The following DUS1L variants were observed in gnomAD, a reference collection of about 807,000 sequenced individuals.
DUS1L encodes tRNA-dihydrouridine(16/17) synthase [NAD(P)(+)]-like.
Under a neutral mutation model 61.2 loss-of-function variants are expected in DUS1L, and 56 were observed. The ratio of observed to expected loss-of-function variants is 0.92; its 90% CI spans 0.74 to 1.14. The LOEUF (loss-of-function observed/expected upper bound fraction) is 1.14. Among genes scored for constraint, DUS1L ranks in the 50% most tolerant of loss-of-function variants. DUS1L has a pLI of 0.00. For synonymous variants in DUS1L, 278 were observed against 259.5 expected (o/e 1.07, Z -0.69); for missense variants, 630 against 632.4 (o/e 1.00, Z 0.04).
intron 5 of DUS1L, among the ~76,000 whole-genome samples, chr17:82,062,442 C>T (rs557922843): frequency 6.6e-6 from 1 of 152,222 alleles, no homozygotes; most frequent in African/African-American, 2.4e-5. Flanking sequence ...GGGGCACCCC[C>T]GGAGACAGCA....
chr17:82,058,456 C>T (rs1028076865), intron 12 of DUS1L, 40 bp from the exon 13 acceptor site: 11 of 1,479,814 alleles, frequency 7.4e-6, no homozygotes, highest in Middle Eastern at 2.1e-4. Context: ...GCCAGCACCA[C>T]TCCCGGGGCC....
rs1170751947 is a variant in DUS1L at position 82,065,007 on chromosome 17, C to T, written c.53G>A (p.Arg18His). ...EFWSRTLRGA[R>H]HVVAPMVDQS... ...GTCCACCATGGGGGCCACGACGTGG[C>T]GGGCCCCTCGCAGGGTGCGGCTCCA... is the stretch of plus-strand genomic sequence containing the variant. Residue 18 changes from arginine (R) to histidine (H), a missense_variant, in exon 2 of 14, where the codon CGC becomes CAC. By Grantham distance (29) the Arg-to-His change is conservative (BLOSUM62 0). Transcript: ENST00000306796. The T allele has an allele frequency of 1.9e-6, 3 of 1,609,936 alleles. No individual in the cohort carries two copies. The highest frequency in any genetic ancestry group is 1.7e-5 in the Admixed American group (1 of 59,776).
chr17:82,063,517 A>C lies in DUS1L; in HGVS notation c.348T>G (p.Gly116=). The C allele has an allele frequency of 6.2e-7, 1 of 1,613,544 alleles. No individual in the cohort carries two copies. Among genetic ancestry groups the C allele is most frequent in the Non-Finnish European group, 8.5e-7 (1 of 1,179,968 alleles). ...LGCPQMIAKR[G]HYGAFLQDEW... is the part of the protein sequence containing the mutation. ...CGTCCTGCAGAAAGGCGCCATAGTG[A>C]CCTGCAAGGAGCAAGCATGGCCTGG... is the stretch of plus-strand genomic sequence containing the variant. Residue 116 remains glycine, a splice_region_variant and synonymous_variant, in exon 4 of 14, where the codon GGT becomes GGG. Coordinates refer to ENST00000306796, the MANE Select transcript of DUS1L (RefSeq NM_022156.5).
intron 5 of DUS1L, 62 bp from the exon 6 acceptor site, chr17:82,062,045 CGCCCCTCCACGCCCCCTCT>C: frequency 7.2e-7 from 1 of 1,385,716 alleles, no homozygotes; most frequent in Non-Finnish European, 9.6e-7. Context: ...GAGCCCCCTC[CGCCCCTCCACGCCCCCTCT>C]GCCCCTACTC....
chr17:82,064,929 C>G lies in DUS1L; in HGVS notation c.131G>C (p.Cys44Ser). 1.2e-6 allele frequency: 2 copies of G among 1,612,648 alleles called. No homozygotes were observed. The highest frequency in any genetic ancestry group is 1.7e-6 in the Non-Finnish European group (2 of 1,179,872). ...LLSRRHGAQL[C>S]YTPMLHAQVF... is the part of the protein sequence containing the mutation. ...CTGGGCATGCAGCATGGGCGTGTAG[C>G]AGAGCTGTGCCCCGTGGCGCCGGCT... Residue 44 changes from cysteine to serine, a missense_variant, in exon 2 of 14, where the codon TGC (cysteine) becomes TCC (serine). Coordinates refer to ENST00000306796, the MANE Select transcript of DUS1L (RefSeq NM_022156.5).
intron 7 of DUS1L, 102 bp from the exon 8 acceptor site, chr17:82,061,455 A>C: frequency 6.7e-7 from 1 of 1,494,256 alleles, no homozygotes; most frequent in Middle Eastern, 1.8e-4. Flanking sequence ...CCACCTCACA[A>C]GGGACAAGGC....
In DUS1L at chr17:82,058,049, G is replaced by C; in HGVS notation, c.*66C>G. The C allele has an allele frequency of 6.9e-7, 1 of 1,451,500 alleles. No homozygotes were observed. The allele number at this position is 1,451,500 out of a possible 1,614,324, so 89.9% of individuals were successfully genotyped here. Reference sequence around the variant, plus strand: ...GTAGCAGGAGATTCCCTGAGTAAAAGGCATTTTCTTAAGTAGGACGTGTCC... The same window carrying C: ...GTAGCAGGAGATTCCCTGAGTAAAACGCATTTTCTTAAGTAGGACGTGTCC... On this transcript the variant is annotated 3_prime_UTR_variant, in exon 14 of 14. Coordinates refer to ENST00000306796, the MANE Select transcript of DUS1L (RefSeq NM_022156.5).
At chr17:82,060,431 G>C (rs2033424182) in intron 10 of DUS1L, 2 of 587,824 alleles carry the variant, frequency 3.4e-6, no homozygotes, top group Non-Finnish European at 6.0e-6. Flanking sequence ...GAGGAGCTCA[G>C]AGAAGTATGT....
rs147637107 is a variant in DUS1L at position 82,058,387 on chromosome 17, G to A, written c.1236C>T (p.Arg412=). ...TGGAGGCTCGCTTCTTGCAGCAGCC[G>A]CGGCACAGGCTGAACACACATCTGT... ...KGNRCVFSLC[R]GCCKKRASKE... Residue 412 remains arginine, a synonymous_variant, in exon 13 of 14, where the codon CGC becomes CGT. Coordinates refer to ENST00000306796, the MANE Select transcript of DUS1L (RefSeq NM_022156.5). 8.1e-4 allele frequency: 1,204 copies of A among 1,490,542 alleles called. 3 individuals are homozygous for A. Among genetic ancestry groups the A allele is most frequent in the Middle Eastern group, 5.5e-3 (30 of 5,486 alleles). The allele number at this position is 1,490,542 out of a possible 1,614,324, so 92.3% of individuals were successfully genotyped here. A position where few individuals can be genotyped will look rare whatever the true frequency, so the allele number is the denominator to read the frequency against.
At position 82,060,376 on chromosome 17, in the gene DUS1L, A is replaced by G. The variant is rs115094096; in HGVS notation, c.1023-283T>C. The G allele has an allele frequency of 5.2e-3, 3,027 of 579,560 alleles. 74 individuals carry two copies. The highest frequency in any genetic ancestry group is 0.051 in the African/African-American group (2,752 of 53,730). The allele number at this position is 579,560 out of a possible 1,614,324, so 35.9% of individuals were successfully genotyped here. On this transcript the variant is annotated intron_variant, in intron 10 of 13. Coordinates refer to ENST00000306796, the MANE Select transcript of DUS1L (RefSeq NM_022156.5). ...GCCTCACCTCTGAGAACCCAGCAGA[A>G]GCTGGGGTCAACCTCTTGACCCACG...
Position 82,057,765 on chromosome 17 carries a change from C to A in DUS1L, c.*350G>T. The A allele has an allele frequency of 4.6e-6, 1 of 216,964 alleles. No homozygotes were observed. The highest frequency in any genetic ancestry group is 9.9e-5 in the South Asian group (1 of 10,092). The allele number at this position is 216,964 out of a possible 1,614,324, so 13.4% of individuals were successfully genotyped here. A position where few individuals can be genotyped will look rare whatever the true frequency, so the allele number is the denominator to read the frequency against. Reference sequence around the variant, plus strand: ...CCCACTTTTGTCTACCCAGATGCTGCCTTCATTTAGATGTATCCTGTTGTT... The same window carrying A: ...CCCACTTTTGTCTACCCAGATGCTGACTTCATTTAGATGTATCCTGTTGTT... On this transcript the variant is annotated 3_prime_UTR_variant, in exon 14 of 14. Coordinates refer to ENST00000306796, the MANE Select transcript of DUS1L (RefSeq NM_022156.5).
chr17:82,061,793 C>T, intron 6 of DUS1L, 72 bp from the exon 7 acceptor site: 2 of 1,596,020 alleles, frequency 1.3e-6, no homozygotes, highest in Non-Finnish European at 1.7e-6. Flanking sequence ...CAGCCACGGC[C>T]CCCTGGGTGG....
At chr17:82,065,381 G>C (rs1382763801) in intron 1 of DUS1L, 1 of 316,758 alleles carries the variant, frequency 3.2e-6, no homozygotes, top group Non-Finnish European at 5.8e-6. Flanking sequence ...CGCGGGCCTG[G>C]CCCTGAGCAG....
intron 10 of DUS1L, 42 bp from the exon 11 acceptor site, chr17:82,060,135 A>AG: frequency 6.3e-7 from 1 of 1,594,076 alleles, no homozygotes; most frequent in Non-Finnish European, 8.5e-7. Flanking sequence ...ACACTGTGAG[A>AG]GGGGCCCAGC....
chr17:82,061,364 A>G lies in DUS1L; in HGVS notation c.698-11T>C, dbSNP rs1402524466. The G allele has an allele frequency of 6.4e-7, 1 of 1,561,070 alleles. No individual in the cohort carries two copies. Among genetic ancestry groups the G allele is most frequent in the Non-Finnish European group, 8.7e-7 (1 of 1,150,232 alleles). Reference sequence around the variant, plus strand: ...TGTGCAGGTTGCCCTCTGTGGGAGGAGGAGCGGGGAAGGACACCTCGTGGG... The same window carrying G: ...TGTGCAGGTTGCCCTCTGTGGGAGGGGGAGCGGGGAAGGACACCTCGTGGG... On this transcript the variant is annotated splice_polypyrimidine_tract_variant and intron_variant, in intron 7 of 13. Transcript: ENST00000306796.
chr17:82,061,655 G>A lies in DUS1L; in HGVS notation c.660C>T (p.Cys220=), dbSNP rs2033504109. Residue 220 remains cysteine (C), a synonymous_variant, in exon 7 of 14, where the codon TGC becomes TGT. Transcript: ENST00000306796. ...CGCCCTGCACACCCGTGTCCCGGAG[G>A]CAGCGCTCCACGTCCTGCAGGCACT... ...NIQCLQDVER[C]LRDTGVQGVM... 2.5e-6 allele frequency: 4 copies of A among 1,612,882 alleles called. No homozygotes were observed. In the East Asian group the frequency reaches 8.9e-5, roughly 36 times the overall value.
intron 3 of DUS1L, among the ~76,000 whole-genome samples, chr17:82,063,776 C>T (rs2033628923): frequency 6.6e-6 from 1 of 152,216 alleles, no homozygotes; most frequent in Non-Finnish European, 1.5e-5. Flanking sequence ...AACCCCCACC[C>T]TGCACGGTCT....
At chr17:82,059,271 G>GGC (rs1207565814) in intron 11 of DUS1L, 26 of 86,504 alleles carry the variant, frequency 3.0e-4, no homozygotes, top group Non-Finnish European at 5.6e-5. Flanking sequence ...GTGGCCTGGT[G>GGC]GGGGGCAGTG....
chr17:82,058,578 CCCA>C, intron 12 of DUS1L, 162 bp from the exon 13 acceptor site: 1 of 1,450,800 alleles, frequency 6.9e-7, no homozygotes, highest in Non-Finnish European at 9.0e-7. Context: ...CTCACCCCCA[CCCA>C]CCCAGACTCT....
Sources: allele counts gnomAD v4.1 joint callset (sites outside exome capture counted in the v4.1 genomes callset), GRCh38; gene constraint gnomAD v4.1.1; transcripts MANE v1.5; gene names NCBI Gene and HGNC (gene_info 2026-07-23, HGNC 2026-07-21).